The following CCDC85C variants were observed in gnomAD, a reference collection of about 807,000 sequenced individuals.
The protein encoded by CCDC85C is coiled-coil domain-containing protein 85C.
A neutral mutation model predicts 38.3 loss-of-function variants in CCDC85C; 18 were observed. That is an observed-to-expected ratio of 0.47 (90% CI 0.33 to 0.70). The LOEUF (loss-of-function observed/expected upper bound fraction) is 0.70, where lower values mean the gene tolerates loss of function less well. Ranked by LOEUF, CCDC85C falls within the 30% of genes least tolerant of loss-of-function variation. The pLI is 0.03. For synonymous variants in CCDC85C, 264 were observed against 293.8 expected, an observed-to-expected ratio of 0.90 and a Z score of 1.04; for missense variants, 566 against 621.2, an observed-to-expected ratio of 0.91 and a Z score of 0.94.
At chr14:99,564,246 C>T (rs1415273879) in intron 1 of CCDC85C, among the ~76,000 whole-genome samples, 7 of 152,198 alleles carry the variant, frequency 4.6e-5, no homozygotes, top group Admixed American at 1.3e-4. Flanking sequence ...CCCACTGCTG[C>T]GTCCTTGCTG....
intron 1 of CCDC85C, among the ~76,000 whole-genome samples, chr14:99,565,038 C>T (rs755357553): frequency 3.1e-4 from 47 of 152,318 alleles, no homozygotes; most frequent in South Asian, 2.1e-4. Context: ...CGGCAGCCCG[C>T]GGCCTCTGAT....
chr14:99,575,127 G>C (rs1898444543), intron 1 of CCDC85C, among the ~76,000 whole-genome samples: 1 of 152,234 alleles, frequency 6.6e-6, no homozygotes, highest in South Asian at 2.1e-4. Context: ...CCTTCCTGCT[G>C]GCTGGCCCTG....
Position 99,503,040 on chromosome 14 carries a change from C to G in CCDC85C, c.*12206G>C, listed in dbSNP as rs778797351. On this transcript the variant is annotated 3_prime_UTR_variant, in exon 6 of 6. Transcript: ENST00000380243. ...GCAGGCTTTCCAGGTGGCGGCAACACCTGAGCACTGTTCCCATTTCTAAGC... is the reference window on the plus strand; with the variant it reads ...GCAGGCTTTCCAGGTGGCGGCAACAGCTGAGCACTGTTCCCATTTCTAAGC... 6.4e-7 allele frequency: 1 copy of G among 1,571,442 alleles called. No individual in the cohort carries two copies.
chr14:99,510,765 G>A lies in CCDC85C; in HGVS notation c.*4481C>T, dbSNP rs750774367. 5 of 1,464,224 alleles carry A rather than the reference G, an allele frequency of 3.4e-6. No individual in the cohort carries two copies. The South Asian group carries it at 7.7e-5, about 22-fold the overall frequency. 90.7% of individuals were successfully genotyped at this position (1,464,224 alleles called of 1,614,324 possible). A position where few individuals can be genotyped will look rare whatever the true frequency, so the allele number is the denominator to read the frequency against. ...GCCTCCAGTTGGGGGGCTGGGGCGGGCAGCCTGGATGAGATAACGTGAGCC... is the reference window on the plus strand; with the variant it reads ...GCCTCCAGTTGGGGGGCTGGGGCGGACAGCCTGGATGAGATAACGTGAGCC... On this transcript the variant is annotated 3_prime_UTR_variant, in exon 6 of 6. Transcript: ENST00000380243.
chr14:99,563,967 G>C (rs1898167019), intron 1 of CCDC85C, among the ~76,000 whole-genome samples: 1 of 152,202 alleles, frequency 6.6e-6, no homozygotes, highest in Admixed American at 6.5e-5. Context: ...CTTCAAGTAA[G>C]CAGCCTGGGC....
chr14:99,502,504 TAATTA>T lies in CCDC85C; in HGVS notation c.*12737_*12741del. 1 of 1,390,688 alleles carries T rather than the reference TAATTA, an allele frequency of 7.2e-7. No homozygotes were observed. Among genetic ancestry groups the T allele is most frequent in the Non-Finnish European group, 9.6e-7 (1 of 1,041,830 alleles). The allele number at this position is 1,390,688 out of a possible 1,614,324, so 86.1% of individuals were successfully genotyped here. Reference sequence around the variant, plus strand: ...GTGAGCAATATTTCAGAAGCATCATTAATTAAATTATCTAATAGTTTCCACTTTGT... The same window carrying T: ...GTGAGCAATATTTCAGAAGCATCATTAATTATCTAATAGTTTCCACTTTGT... On this transcript the variant is annotated 3_prime_UTR_variant, in exon 6 of 6. Transcript: ENST00000380243.
chr14:99,504,631 G>T lies in CCDC85C; in HGVS notation c.*10615C>A, dbSNP rs1896928346. 6.6e-6 allele frequency: 1 copy of T among 152,056 alleles called. No individual in the cohort carries two copies. 9.4% of individuals were successfully genotyped at this position (152,056 alleles called of 1,614,324 possible). On this transcript the variant is annotated 3_prime_UTR_variant, in exon 6 of 6. Coordinates refer to ENST00000380243, the MANE Select transcript of CCDC85C (RefSeq NM_001144995.2). ...AGGCCTGGCTAATTTTGTATTTTTA[G>T]TAGAGACAGGGTTTCTCCATGTTGG...
chr14:99,573,883 C>G (rs1036087153), intron 1 of CCDC85C, among the ~76,000 whole-genome samples: 3 of 152,178 alleles, frequency 2.0e-5, no homozygotes, highest in Non-Finnish European at 2.9e-5. Flanking sequence ...CACTCCAGGG[C>G]CTCTATGCAA....
chr14:99,603,607 T>G lies in CCDC85C; in HGVS notation c.353A>C (p.His118Pro). The G allele has an allele frequency of 6.9e-7, 1 of 1,454,200 alleles. No individual in the cohort carries two copies. Among genetic ancestry groups the G allele is most frequent in the Non-Finnish European group, 9.0e-7 (1 of 1,106,720 alleles). 90.1% of individuals were successfully genotyped at this position (1,454,200 alleles called of 1,614,324 possible). A position where few individuals can be genotyped will look rare whatever the true frequency, so the allele number is the denominator to read the frequency against. ...CTTCTGCTGCGAGCGGGCCACCTCG[T>G]GCCACACGGCGCCGGCCGCGTGGCG... ...FGRHAAGAVW[H>P]EVARSQQKLR... The change falls in exon 1 of 6, where the codon CAC becomes CCC. Residue 118 changes from histidine (H) to proline (P), a missense_variant. Coordinates refer to ENST00000380243, the MANE Select transcript of CCDC85C (RefSeq NM_001144995.2). This position sits in a 1 kb window ranked among gnomAD's most constrained non-coding sequence, Gnocchi z 7.5.
intron 1 of CCDC85C, among the ~76,000 whole-genome samples, chr14:99,539,180 T>C (rs1897663612): frequency 6.6e-6 from 1 of 152,204 alleles, no homozygotes; most frequent in Admixed American, 6.5e-5. Flanking sequence ...TCCTAAAGAA[T>C]TAATTCTAGG....
At chr14:99,595,170 C>T (rs78708733) in intron 1 of CCDC85C, among the ~76,000 whole-genome samples, 1 of 152,212 alleles carries the variant, frequency 6.6e-6, no homozygotes, top group South Asian at 2.1e-4. Flanking sequence ...TCATCCATCA[C>T]CCCAGCTGAA....
intron 1 of CCDC85C, among the ~76,000 whole-genome samples, chr14:99,584,557 C>T (rs559058621): frequency 6.6e-6 from 1 of 152,180 alleles, no homozygotes; most frequent in South Asian, 2.1e-4. Context: ...TGTCATGTTA[C>T]GTCAGGAGAG....
In CCDC85C at chr14:99,510,689, C is replaced by A; in HGVS notation, c.*4557G>T. 2 of 1,424,962 alleles carry A rather than the reference C, an allele frequency of 1.4e-6. No homozygotes were observed. The highest frequency in any genetic ancestry group is 1.8e-6 in the Non-Finnish European group (2 of 1,087,828). 88.3% of individuals were successfully genotyped at this position (1,424,962 alleles called of 1,614,324 possible). A position where few individuals can be genotyped will look rare whatever the true frequency, so the allele number is the denominator to read the frequency against. On this transcript the variant is annotated 3_prime_UTR_variant, in exon 6 of 6. Transcript: ENST00000380243. ...CAGCCAGCTACCCACCTCCTGCCGTCCCCCCTGGAGGACAGCCTCCTGTGC... is the reference window on the plus strand; with the variant it reads ...CAGCCAGCTACCCACCTCCTGCCGTACCCCCTGGAGGACAGCCTCCTGTGC...
chr14:99,516,296 AC>A lies in CCDC85C; in HGVS notation c.1072-11del, dbSNP rs1257834003. 6 of 1,546,798 alleles carry A rather than the reference AC, an allele frequency of 3.9e-6. No homozygotes were observed. The highest frequency in any genetic ancestry group is 2.7e-5 in the African/African-American group (2 of 73,042). On this transcript the variant is annotated splice_polypyrimidine_tract_variant and intron_variant, in intron 4 of 5. Coordinates refer to ENST00000380243, the MANE Select transcript of CCDC85C (RefSeq NM_001144995.2). The surrounding 1 kb of genome is among the most constrained non-coding windows in gnomAD (Gnocchi z 5.5). ...CGTGTACCTCCAGGACCTGAAGGGA[AC>A]GGGTCTCGGGGTCAGGGGCAGAGGC...
chr14:99,566,282 C>A (rs955283391), intron 1 of CCDC85C, among the ~76,000 whole-genome samples: 11 of 152,256 alleles, frequency 7.2e-5, no homozygotes, highest in Admixed American at 2.0e-4. Flanking sequence ...GCCAAGCACA[C>A]TGCATGGATC....
rs1247576476 is a variant in CCDC85C, at chr14:99,533,170, G to A, written c.867+2845C>T. Among the ~76,000 whole-genome samples, 1 of 152,190 alleles carries A rather than the reference G, an allele frequency of 6.6e-6. No individual in the cohort carries two copies. The highest frequency in any genetic ancestry group is 1.9e-4 in the East Asian group (1 of 5,166). The stretch of plus-strand genomic sequence containing the variant: ...GTTATGAGGTTCAGGGGCCTCCACT[G>A]CAGCATGGGGACAGGGCACCGGGGC... On this transcript the variant is annotated intron_variant, in intron 2 of 5. Coordinates refer to ENST00000380243, the MANE Select transcript of CCDC85C (RefSeq NM_001144995.2). The surrounding 1 kb of genome is among the most constrained non-coding windows in gnomAD (Gnocchi z 4.2).
At chr14:99,599,555 G>C (rs2400758) in intron 1 of CCDC85C, among the ~76,000 whole-genome samples, 149,648 of 152,272 alleles carry the variant, frequency 0.98, 73,584 homozygotes, top group Middle Eastern at 1. Context: ...GCAACGCACA[G>C]CCCAGTCCCA....
chr14:99,552,349 T>C (rs545060066), intron 1 of CCDC85C, among the ~76,000 whole-genome samples: 1 of 152,242 alleles, frequency 6.6e-6, no homozygotes, highest in South Asian at 2.1e-4. Flanking sequence ...TTCATGAGAC[T>C]GACCCCAGCA....
In CCDC85C at chr14:99,593,587, G is replaced by A. The variant is rs1037239109; in HGVS notation, c.793+9580C>T. Among the ~76,000 whole-genome samples the A allele has an allele frequency of 8.5e-5, 13 of 152,370 alleles. No individual in the cohort carries two copies. The East Asian group carries it at 9.7e-4, about 11-fold the overall frequency. On this transcript the variant is annotated intron_variant, in intron 1 of 5. Coordinates refer to ENST00000380243, the MANE Select transcript of CCDC85C (RefSeq NM_001144995.2). ...GCCTCGCCAAAGCCATCTCTCCGGC[G>A]TCTGTGCAGCACAGGTCAGCGAGGG...
Sources: allele counts gnomAD v4.1 joint callset (sites outside exome capture counted in the v4.1 genomes callset), GRCh38; gene constraint gnomAD v4.1.1; non-coding constraint Gnocchi (gnomAD v3.1); transcripts MANE v1.5; gene names NCBI Gene and HGNC (gene_info 2026-07-23, HGNC 2026-07-21).